UBR4: variants seen among roughly 807,000 people sequenced by gnomAD.
The protein encoded by UBR4 is E3 ubiquitin-protein ligase UBR4.
Under a neutral mutation model 575.6 loss-of-function variants are expected in UBR4, and 124 were observed. The ratio of observed to expected loss-of-function variants is 0.22; its 90% confidence interval spans 0.19 to 0.25. The LOEUF (loss-of-function observed/expected upper bound fraction) is 0.25. Ranked by LOEUF, UBR4 falls within the 10% of genes least tolerant of loss-of-function variation. The pLI is 1.00. For missense variants in UBR4, 4,818 were observed against 6,478.8 expected, an observed-to-expected ratio of 0.74 and a Z score of 8.80; for synonymous variants, 2,455 against 2,473.7, an observed-to-expected ratio of 0.99 and a Z score of 0.22.
At chr1:19,127,128 A>T (rs1038683394) in intron 63 of UBR4, among the ~76,000 whole-genome samples, 1 of 152,206 alleles carries the variant, frequency 6.6e-6, no homozygotes, top group Non-Finnish European at 1.5e-5. Context: ...TGCATAAAAA[A>T]GGAGAAAAGC....
chr1:19,095,920 C>T, intron 92 of UBR4: 1 of 380,576 alleles, frequency 2.6e-6, no homozygotes, highest in Non-Finnish European at 4.9e-6. Flanking sequence ...AGAGGTGATG[C>T]TCTGTTTGTT....
chr1:19,174,105 C>G (rs2089961021), intron 22 of UBR4, among the ~76,000 whole-genome samples: 1 of 152,308 alleles, frequency 6.6e-6, no homozygotes, highest in African/African-American at 2.4e-5. Flanking sequence ...TCTTAAATTA[C>G]AGTTCTCTCA....
At chr1:19,176,153 A>C (rs1255274641) in intron 20 of UBR4, among the ~76,000 whole-genome samples, 3 of 150,220 alleles carry the variant, frequency 2.0e-5, no homozygotes, top group African/African-American at 7.4e-5. Flanking sequence ...CAGTGGTGCA[A>C]TCTTAGCTCA....
chr1:19,193,072 C>T (rs765383569), intron 9 of UBR4, among the ~76,000 whole-genome samples: 7 of 152,300 alleles, frequency 4.6e-5, no homozygotes, highest in Non-Finnish European at 5.9e-5. Context: ...TCACCACACC[C>T]GGCCCAGATC....
Position 19,086,231 on chromosome 1 carries a change from C to T in UBR4, c.14727G>A (p.Leu4909=), listed in dbSNP as rs894464587. ...RGREEWESAA[L]QNANTKCNGL... ...CGTTGCACTTGGTGTTGGCATTCTGCAGGGCGGCACTCTCCCACTCTTCCC... is the reference window on the plus strand; with the variant it reads ...CGTTGCACTTGGTGTTGGCATTCTGTAGGGCGGCACTCTCCCACTCTTCCC... Residue 4909 remains leucine (L), a synonymous_variant, in exon 101 of 106, where the codon CTG becomes CTA. Transcript: ENST00000375254. 10 of 1,613,732 alleles carry T rather than the reference C, an allele frequency of 6.2e-6. No individual in the cohort carries two copies. Among genetic ancestry groups the T allele is most frequent in the South Asian group, 4.4e-5 (4 of 91,068 alleles).
rs1338330848 is a variant in UBR4 at position 19,088,841 on chromosome 1, G to T, written c.14348C>A (p.Ala4783Glu). Reference protein sequence around the residue: ...EHPDVNKKIDAARRETRAEKK... With the variant: ...EHPDVNKKIDEARRETRAEKK... ...CTCTGCCCGGGTCTCCCTGCGGGCT[G>T]CGTCAATCTTCTTGTTTACGTCAGG... Residue 4783 changes from alanine to glutamate, a missense_variant, in exon 98 of 106, where the codon GCA becomes GAA. Ala to Glu is a moderately radical substitution (Grantham distance 107, BLOSUM62 -1). Coordinates refer to ENST00000375254, the MANE Select transcript of UBR4 (RefSeq NM_020765.3). This position sits in a 1 kb window ranked among gnomAD's most constrained non-coding sequence, Gnocchi z 4.0. 3 of 1,614,092 alleles carry T rather than the reference G, an allele frequency of 1.9e-6. No individual in the cohort carries two copies. The highest frequency in any genetic ancestry group is 1.7e-6 in the Non-Finnish European group (2 of 1,179,992).
Position 19,192,686 on chromosome 1 carries a change from A to C in UBR4, c.1144-146T>G, listed in dbSNP as rs185756398. ...CCATCGTACTTTCCTTGACCTTCAC[A>C]TGGAGCTGACTCCCTCTTTTCATTT... is the stretch of plus-strand genomic sequence containing the variant. On this transcript the variant is annotated intron_variant, in intron 9 of 105. Transcript: ENST00000375254. 7.8e-4 allele frequency: 663 copies of C among 847,252 alleles called. 5 individuals carry two copies. The African/African-American group carries it at 8.6e-3, about 11-fold the overall frequency. 52.5% of individuals were successfully genotyped at this position (847,252 alleles called of 1,614,324 possible). A position where few individuals can be genotyped will look rare whatever the true frequency, so the allele number is the denominator to read the frequency against.
intron 2 of UBR4, 50 bp from the exon 3 acceptor site, chr1:19,199,804 A>G (rs745840347): frequency 6.5e-7 from 1 of 1,534,766 alleles, no homozygotes; most frequent in South Asian, 1.1e-5. Flanking sequence ...AGCGTTGGTC[A>G]ATAAATTAAG....
chr1:19,076,612 T>C (rs778462862), intron 105 of UBR4, 128 bp downstream of exon 105: 12 of 1,265,646 alleles, frequency 9.5e-6, no homozygotes, highest in African/African-American at 4.5e-5. Context: ...GGGCTTTCAG[T>C]GGCAGCTGAC....
At chr1:19,195,969 T>TACACAC (rs55820713) in intron 8 of UBR4, among the ~76,000 whole-genome samples, 1,735 of 134,074 alleles carry the variant, frequency 0.013, 34 homozygotes, top group African/African-American at 0.028. Context: ...GACTTACTTA[T>TACACAC]ACACACACAC....
At chr1:19,164,462 A>G in intron 32 of UBR4, 21 bp from the exon 33 acceptor site, 1 of 1,606,550 alleles carries the variant, frequency 6.2e-7, no homozygotes, top group Non-Finnish European at 8.5e-7. Context: ...AGAAAGAGCA[A>G]GTTGGTGAAT....
intron 60 of UBR4, among the ~76,000 whole-genome samples, chr1:19,132,495 T>C (rs2082602807): frequency 6.6e-6 from 1 of 151,340 alleles, no homozygotes; most frequent in Non-Finnish European, 1.5e-5. Flanking sequence ...TATGTATTTT[T>C]AAAGTAGGTT....
chr1:19,182,513 T>C (rs1383311791), intron 17 of UBR4, among the ~76,000 whole-genome samples: 2 of 152,108 alleles, frequency 1.3e-5, no homozygotes, highest in African/African-American at 4.8e-5. Context: ...CACCATATAG[T>C]AATTCTATAT....
rs565102407 is a variant in UBR4 at position 19,138,225 on chromosome 1, A to G, written c.8732-44T>C. On this transcript the variant is annotated intron_variant, in intron 59 of 105. Coordinates refer to ENST00000375254, the MANE Select transcript of UBR4 (RefSeq NM_020765.3). ...AAAAGCACAAATCAACTCCCAAAGCATGAAGGAACCCAGTGCATTCTAAAG... is the reference window on the plus strand; with the variant it reads ...AAAAGCACAAATCAACTCCCAAAGCGTGAAGGAACCCAGTGCATTCTAAAG... 2.7e-5 allele frequency: 40 copies of G among 1,458,542 alleles called. No individual in the cohort carries two copies. The African/African-American group carries it at 5.2e-4, about 19-fold the overall frequency. The allele number at this position is 1,458,542 out of a possible 1,614,324, so 90.4% of individuals were successfully genotyped here.
intron 8 of UBR4, 82 bp from the exon 9 acceptor site, chr1:19,193,639 C>T: frequency 1.3e-6 from 2 of 1,498,278 alleles, no homozygotes; most frequent in Non-Finnish European, 1.8e-6. Context: ...CACACCCCAC[C>T]CACAAGCAAT....
At position 19,152,706 on chromosome 1, in the gene UBR4, G is replaced by A. The variant is rs1015915274; in HGVS notation, c.6833-230C>T. ...AAGAAATCTGGCATTGGTATTGGGT[G>A]TACAGCTAATAACAATAGGCTCTCC... On this transcript the variant is annotated intron_variant, in intron 46 of 105. Transcript: ENST00000375254. This position sits in a 1 kb window ranked among gnomAD's most constrained non-coding sequence, Gnocchi z 4.4. Among the ~76,000 whole-genome samples, 2 of 152,208 alleles carry A rather than the reference G, an allele frequency of 1.3e-5. No homozygotes were observed. Among genetic ancestry groups the A allele is most frequent in the African/African-American group, 4.8e-5 (2 of 41,450 alleles).
In UBR4 at chr1:19,100,553, C is replaced by G; in HGVS notation, c.13044G>C (p.Glu4348Asp). 6.2e-7 allele frequency: 1 copy of G among 1,614,036 alleles called. No homozygotes were observed. The highest frequency in any genetic ancestry group is 8.5e-7 in the Non-Finnish European group (1 of 1,180,008). ...GATCCTTCTCCAGGGTCACAAAGAACTCAGTGACTTCATTCTCCTCCTGGA... is the reference window on the plus strand; with the variant it reads ...GATCCTTCTCCAGGGTCACAAAGAAGTCAGTGACTTCATTCTCCTCCTGGA... ...IIYPEENEVT[E>D]FFVTLEKDPQ... Residue 4348 changes from glutamate to aspartate, a missense_variant, in exon 89 of 106, where the codon GAG (glutamate) becomes GAC (aspartate). Coordinates refer to ENST00000375254, the MANE Select transcript of UBR4 (RefSeq NM_020765.3). The surrounding 1 kb of genome is among the most constrained non-coding windows in gnomAD (Gnocchi z 4.2).
rs753186061 is a variant in UBR4 at position 19,145,995 on chromosome 1, AAGGTTAACTC to A, written c.7805-72_7805-63del. ...TCTGAGATGGAATTTAATTTGTTTT[AAGGTTAACTC>A]AGGTCAAGGAAGCTTGCCTGGGGAG... On this transcript the variant is annotated intron_variant, in intron 52 of 105. Coordinates refer to ENST00000375254, the MANE Select transcript of UBR4 (RefSeq NM_020765.3). The A allele has an allele frequency of 6.2e-6, 10 of 1,612,950 alleles. No individual in the cohort carries two copies. In the South Asian group the frequency reaches 9.9e-5, roughly 16 times the overall value.
Position 19,074,798 on chromosome 1 carries a change from C to T in UBR4, c.*34G>A, listed in dbSNP as rs575770471. 2 of 1,612,290 alleles carry T rather than the reference C, an allele frequency of 1.2e-6. No homozygotes were observed. Among genetic ancestry groups the T allele is most frequent in the African/African-American group, 2.7e-5 (2 of 75,006 alleles). ...GAACAGAGGGTGGAAGGCAAGCCAG[C>T]TTCGTCTTCGCCGCCGCAGCTGCTG... On this transcript the variant is annotated 3_prime_UTR_variant, in exon 106 of 106. Coordinates refer to ENST00000375254, the MANE Select transcript of UBR4 (RefSeq NM_020765.3).
Sources: gnomAD v4.1 joint callset for allele counts (sites outside exome capture counted in the v4.1 genomes callset) on GRCh38, gnomAD v4.1.1 for gene constraint, Gnocchi (gnomAD v3.1) non-coding constraint, MANE v1.5 for transcripts, NCBI Gene and HGNC (gene_info 2026-07-23, HGNC 2026-07-21) for gene names.